CSGALNACT1: variants seen among roughly 807,000 people sequenced by gnomAD.
CSGALNACT1 encodes beta4GalNAcT-1.
A neutral mutation model predicts 51.0 loss-of-function variants in CSGALNACT1; 52 were observed. That is an observed-to-expected ratio of 1.02 (90% CI 0.82 to 1.29). CSGALNACT1 has a LOEUF of 1.29. Ranked by LOEUF, CSGALNACT1 falls within the 50% of genes most tolerant of loss-of-function variation. The pLI, the probability that CSGALNACT1 is intolerant of heterozygous loss-of-function variation, is 0.00. For synonymous variants in CSGALNACT1, 341 were observed against 254.4 expected, an observed-to-expected ratio of 1.34 and a Z score of -3.24; for missense variants, 935 against 679.2, an observed-to-expected ratio of 1.38 and a Z score of -4.19.
chr8:19,566,282 T>C (rs542528064), intron 3 of CSGALNACT1, among the ~76,000 whole-genome samples: 2 of 152,310 alleles, frequency 1.3e-5, no homozygotes, highest in East Asian at 3.9e-4. Flanking sequence ...GAGACTGGAA[T>C]GATGTGATCT....
intron 2 of CSGALNACT1, among the ~76,000 whole-genome samples, chr8:19,593,248 C>CA (rs1481627147): frequency 1.3e-5 from 2 of 152,212 alleles, no homozygotes; most frequent in South Asian, 2.1e-4. Flanking sequence ...CGCAAGTTCT[C>CA]AGTCATCAGC....
rs1175930232 is a variant in CSGALNACT1, at chr8:19,666,757, AAAG to A, written c.-544+15713_-544+15715del. Among the ~76,000 whole-genome samples, 954 of 99,884 alleles carry A rather than the reference AAAG, an allele frequency of 9.6e-3. 22 individuals carry two copies. Among genetic ancestry groups the A allele is most frequent in the African/African-American group, 0.028 (667 of 23,422 alleles). 65.5% of individuals were successfully genotyped at this position (99,884 alleles called of 152,430 possible). On this transcript the variant is annotated intron_variant, in intron 1 of 9. Transcript: ENST00000332246. ...GAAAGAAACACAAGAAACAAGAAAGAAAGAAGAAAGAAAGAAAGAAAGAAAGAA... is the reference window on the plus strand; with the variant it reads ...GAAAGAAACACAAGAAACAAGAAAGAAAGAAAGAAAGAAAGAAAGAAAGAA...
upstream of CSGALNACT1, among the ~76,000 whole-genome samples, chr8:19,603,101 T>C (rs2050798814): frequency 1.4e-5 from 2 of 139,858 alleles, no homozygotes; most frequent in East Asian, 4.1e-4. Flanking sequence ...ATTGCTCCCA[T>C]TTCACATGCA....
intron 8 of CSGALNACT1, among the ~76,000 whole-genome samples, chr8:19,412,870 G>A (rs1473318956): frequency 1.3e-5 from 2 of 151,764 alleles, no homozygotes; most frequent in Admixed American, 6.5e-5. Context: ...GGGCCCTGAG[G>A]GCTCAGTGAT....
intron 2 of CSGALNACT1, among the ~76,000 whole-genome samples, chr8:19,596,692 A>T (rs1172357038): frequency 6.6e-6 from 1 of 152,202 alleles, no homozygotes; most frequent in Non-Finnish European, 1.5e-5. Context: ...ATAAAAAGTG[A>T]TTTAAAAATC....
At chr8:19,595,394 G>A (rs970876612) in intron 2 of CSGALNACT1, among the ~76,000 whole-genome samples, 2 of 152,182 alleles carry the variant, frequency 1.3e-5, no homozygotes, top group East Asian at 1.9e-4. Context: ...AGTCCAACAC[G>A]CAGTAACAAG....
At chr8:19,644,709 C>CAAAAAAAAAAA (rs756025465) in intron 1 of CSGALNACT1, among the ~76,000 whole-genome samples, 1 of 22,294 alleles carries the variant, frequency 4.5e-5, no homozygotes, top group Non-Finnish European at 9.6e-5. Context: ...GACTCCGTCT[C>CAAAAAAAAAAA]AAAAAAAAAA....
chr8:19,516,673 C>T (rs1020223844), intron 3 of CSGALNACT1, among the ~76,000 whole-genome samples: 11 of 152,206 alleles, frequency 7.2e-5, no homozygotes, highest in Admixed American at 7.2e-4. Flanking sequence ...TCGCAACATT[C>T]AAGTGTTTCT....
intron 3 of CSGALNACT1, among the ~76,000 whole-genome samples, chr8:19,582,629 G>T (rs890174481): frequency 2.0e-5 from 3 of 152,144 alleles, no homozygotes; most frequent in African/African-American, 7.2e-5. Flanking sequence ...TCAATCTTGG[G>T]ATCAGCTGGA....
intron 1 of CSGALNACT1, among the ~76,000 whole-genome samples, chr8:19,637,629 AG>A (rs1403242028): frequency 6.6e-6 from 1 of 152,238 alleles, no homozygotes; most frequent in Non-Finnish European, 1.5e-5. Flanking sequence ...AGTCTAATGC[AG>A]CACATCTAGT....
At position 19,738,316 on chromosome 8, in the gene CSGALNACT1, C is replaced by T. The variant is rs189719606; in HGVS notation, c.-297+19534G>A. On this transcript the variant is annotated intron_variant, in intron 1 of 1. Transcript: ENST00000517494. ...GCTTTAAAAAGAAAGAAAATTCTGA[C>T]GCATGCTACAACATGGATGAACCTT... 1.2e-3 allele frequency among the ~76,000 whole-genome samples: 181 copies of T among 152,262 alleles called. 1 individual carries two copies. In the Middle Eastern group the frequency reaches 0.034, roughly 29 times the overall value.
chr8:19,659,088 G>A (rs2058547587), intron 1 of CSGALNACT1, among the ~76,000 whole-genome samples: 1 of 151,478 alleles, frequency 6.6e-6, no homozygotes, highest in Non-Finnish European at 1.5e-5. Flanking sequence ...CACCTTACAT[G>A]TCTTTACCAT....
intron 3 of CSGALNACT1, among the ~76,000 whole-genome samples, chr8:19,523,267 T>G (rs1287001415): frequency 6.6e-6 from 1 of 152,052 alleles, no homozygotes; most frequent in Non-Finnish European, 1.5e-5. Context: ...CAGTACTATT[T>G]TTACTTACTT....
chr8:19,450,335 A>T (rs1387999408), intron 5 of CSGALNACT1, among the ~76,000 whole-genome samples: 1 of 151,506 alleles, frequency 6.6e-6, no homozygotes, highest in Non-Finnish European at 1.5e-5. Flanking sequence ...GAGGAAGAGG[A>T]AGAGTAAGTA....
chr8:19,574,211 C>G (rs2043648929), intron 3 of CSGALNACT1, among the ~76,000 whole-genome samples: 2 of 152,182 alleles, frequency 1.3e-5, no homozygotes, highest in Admixed American at 1.3e-4. Context: ...CTGCACCCAG[C>G]TGGCAGATGT....
At chr8:19,427,686 G>A (rs1355219222) in intron 6 of CSGALNACT1, among the ~76,000 whole-genome samples, 1 of 152,116 alleles carries the variant, frequency 6.6e-6, no homozygotes, top group African/African-American at 2.4e-5. Context: ...TACTTGGGAG[G>A]CTGAGGCAAA....
chr8:19,586,786 C>A (rs762198310), intron 3 of CSGALNACT1, among the ~76,000 whole-genome samples: 14 of 152,100 alleles, frequency 9.2e-5, no homozygotes, highest in South Asian at 2.1e-4. Context: ...AAACTGGGAA[C>A]CCAGAGGTTA....
At position 19,729,922 on chromosome 8, in the gene CSGALNACT1, TTCCCCA is replaced by T. The variant is rs2063598569; in HGVS notation, c.-297+27922_-297+27927del. 2.0e-5 allele frequency among the ~76,000 whole-genome samples: 3 copies of T among 152,134 alleles called. No homozygotes were observed. In the South Asian group the frequency reaches 6.2e-4, roughly 32 times the overall value. ...TTTGTGAGAAAGCATCATTTTTCAT[TTCCCCA>T]GCACCTTCAGCTCTCAGCAAGAGAA... On this transcript the variant is annotated intron_variant, in intron 1 of 1. Transcript: ENST00000517494.
rs1464371102 is a variant in CSGALNACT1 at position 19,461,425 on chromosome 8, C to A, written c.635-2783G>T. 2.0e-5 allele frequency among the ~76,000 whole-genome samples: 3 copies of A among 151,922 alleles called. No homozygotes were observed. In the East Asian group the frequency reaches 5.8e-4, roughly 29 times the overall value. On this transcript the variant is annotated intron_variant, in intron 4 of 9. Coordinates refer to ENST00000454498, the Ensembl canonical transcript of CSGALNACT1. ...ATTCACCATGGAGGGTGTATCCACA[C>A]AGCACCCATATTCACTATGCAGGGC...
Sources: allele counts gnomAD v4.1 joint callset (sites outside exome capture counted in the v4.1 genomes callset), GRCh38; gene constraint gnomAD v4.1.1; transcripts MANE v1.5; gene names NCBI Gene and HGNC (gene_info 2026-07-23, HGNC 2026-07-21).